Variants in PHTF2 observed in about 807,000 individuals in gnomAD.
PHTF2 encodes putative homeodomain transcription factor 2.
Under a neutral mutation model 101.2 loss-of-function variants are expected in PHTF2, and 60 were observed. The observed-to-expected ratio is 0.59, with a 90% CI of 0.48 to 0.73. The LOEUF is 0.73. PHTF2 is among the 30% of genes least tolerant of loss of function. The pLI is 0.00. For synonymous variants in PHTF2, 311 were observed against 307.3 expected (o/e 1.01, Z -0.13); for missense variants, 747 against 908.7 (o/e 0.82, Z 2.29).
chr7:77,867,236 G>A (rs1798140003), intron 3 of PHTF2, among the ~76,000 whole-genome samples: 1 of 152,172 alleles, frequency 6.6e-6, no homozygotes, highest in Non-Finnish European at 1.5e-5. Context: ...ACAGGGAGAA[G>A]TATATGACAA....
At chr7:77,852,172 T>C (rs1796818486) in intron 2 of PHTF2, among the ~76,000 whole-genome samples, 1 of 152,116 alleles carries the variant, frequency 6.6e-6, no homozygotes, top group Admixed American at 6.6e-5. Context: ...ACCACAGGCA[T>C]GTGCCACCCA....
At chr7:77,833,402 G>A (rs905911132) in intron 1 of PHTF2, among the ~76,000 whole-genome samples, 16 of 152,170 alleles carry the variant, frequency 1.1e-4, no homozygotes, top group African/African-American at 3.4e-4. Flanking sequence ...ATGATACAAG[G>A]TTGTTGGAAT....
intron 11 of PHTF2, among the ~76,000 whole-genome samples, chr7:77,927,177 A>AAAAAAAAAAAAT (rs1554388762): frequency 1.3e-5 from 1 of 78,156 alleles, no homozygotes; most frequent in Non-Finnish European, 2.4e-5. Context: ...AAAAAAAAAA[A>AAAAAAAAAAAAT]ATATATATAT....
At chr7:77,810,275 ATTC>A (rs1210644459) in intron 1 of PHTF2, among the ~76,000 whole-genome samples, 3 of 152,168 alleles carry the variant, frequency 2.0e-5, no homozygotes, top group Non-Finnish European at 4.4e-5. Context: ...ATATAAGATT[ATTC>A]TTCTTCATAA....
chr7:77,916,022 G>A (rs1200568344), intron 9 of PHTF2, among the ~76,000 whole-genome samples: 2 of 149,834 alleles, frequency 1.3e-5, no homozygotes, highest in Non-Finnish European at 3.0e-5. Context: ...ATACTAAAAA[G>A]TATAATTTCT....
intron 1 of PHTF2, among the ~76,000 whole-genome samples, chr7:77,810,184 A>G (rs1489068481): frequency 2.0e-5 from 3 of 152,172 alleles, no homozygotes; most frequent in African/African-American, 4.8e-5. Context: ...CGATATATAT[A>G]TAGGTACATA....
At chr7:77,812,471 A>T (rs552605630) in intron 1 of PHTF2, among the ~76,000 whole-genome samples, 4 of 152,198 alleles carry the variant, frequency 2.6e-5, no homozygotes, top group African/African-American at 2.4e-5. Context: ...TACTTGAGAG[A>T]TGTCTAAGTA....
chr7:77,914,559 G>A (rs902860946), intron 9 of PHTF2, among the ~76,000 whole-genome samples: 7 of 152,088 alleles, frequency 4.6e-5, no homozygotes, highest in Non-Finnish European at 8.8e-5. Context: ...CCTAGGAAAA[G>A]CCCCTAGTTG....
At chr7:77,850,360 C>CAAAAAAAAAAAAAAAAAAAAAAAAAAA (rs71082789) in intron 2 of PHTF2, among the ~76,000 whole-genome samples, 1 of 44,376 alleles carries the variant, frequency 2.3e-5, no homozygotes, top group African/African-American at 8.7e-5. Context: ...GACCTTGTCT[C>CAAAAAAAAAAAAAAAAAAAAAAAAAAA]AAAAAAAAAA....
intron 1 of PHTF2, among the ~76,000 whole-genome samples, chr7:77,802,904 A>C (rs1792670086): frequency 6.6e-6 from 1 of 152,234 alleles, no homozygotes; most frequent in African/African-American, 2.4e-5. Flanking sequence ...TCAGATTAAT[A>C]CCAAACCATA....
chr7:77,830,672 G>A (rs1022423104), intron 1 of PHTF2, among the ~76,000 whole-genome samples: 6 of 152,168 alleles, frequency 3.9e-5, no homozygotes, highest in Admixed American at 2.0e-4. Context: ...ACAGATTAAC[G>A]TTAGCAGAGA....
intron 1 of PHTF2, among the ~76,000 whole-genome samples, chr7:77,812,866 G>A (rs969209101): frequency 3.3e-5 from 5 of 152,244 alleles, no homozygotes; most frequent in East Asian, 1.9e-4. Flanking sequence ...TGGGATTACA[G>A]GTGTGAGCCA....
chr7:77,839,155 A>AC (rs34488094), intron 1 of PHTF2, among the ~76,000 whole-genome samples: 1 of 152,060 alleles, frequency 6.6e-6, no homozygotes, highest in African/African-American at 2.4e-5. Context: ...AGGGTGCTTT[A>AC]CCCCCAGGAT....
chr7:77,900,406 C>T (rs187283410), intron 5 of PHTF2, among the ~76,000 whole-genome samples: 1 of 152,260 alleles, frequency 6.6e-6, no homozygotes, highest in African/African-American at 2.4e-5. Context: ...CAATATAGTT[C>T]CCTCTACACC....
Position 77,897,292 on chromosome 7 carries a change from C to CT in PHTF2, c.216+3299_216+3300insT, listed in dbSNP as rs1475870562. Among the ~76,000 whole-genome samples, 191 of 74,946 alleles carry CT rather than the reference C, an allele frequency of 2.5e-3. 3 individuals carry two copies. The South Asian group carries it at 0.07, about 28-fold the overall frequency. 49.2% of individuals were successfully genotyped at this position (74,946 alleles called of 152,430 possible). ...CTTTCTAAACTTAAACAGCCCATTT[C>CT]ATTTTTTTTTTTTTTTTTTGGCCCA... On this transcript the variant is annotated intron_variant, in intron 5 of 19. Coordinates refer to ENST00000416283, the Ensembl canonical transcript of PHTF2.
chr7:77,957,149 G>A (rs1378199002), exon 20 of PHTF2: 1 of 152,024 alleles, frequency 6.6e-6, no homozygotes, highest in Non-Finnish European at 1.5e-5. Flanking sequence ...TGTTGTGTGT[G>A]AACTGTTGTT....
intron 9 of PHTF2, among the ~76,000 whole-genome samples, chr7:77,914,723 A>C (rs1423174210): frequency 6.6e-6 from 1 of 152,162 alleles, no homozygotes; most frequent in Non-Finnish European, 1.5e-5. Flanking sequence ...CAAAATGGGA[A>C]ATGAAAGTCT....
intron 2 of PHTF2, among the ~76,000 whole-genome samples, chr7:77,847,192 T>C (rs1796371553): frequency 6.6e-6 from 1 of 152,220 alleles, no homozygotes. Flanking sequence ...ACAGAAGTGC[T>C]TTCTGATGGG....
At chr7:77,878,454 A>T (rs1209837784) in intron 3 of PHTF2, among the ~76,000 whole-genome samples, 2 of 152,274 alleles carry the variant, frequency 1.3e-5, no homozygotes, top group East Asian at 3.9e-4. Flanking sequence ...TGTAGGAGCA[A>T]CTGGGGAGTA....
Sources: gnomAD v4.1 joint callset for allele counts (sites outside exome capture counted in the v4.1 genomes callset) on GRCh38, gnomAD v4.1.1 for gene constraint, MANE v1.5 for transcripts, NCBI Gene and HGNC (gene_info 2026-07-23, HGNC 2026-07-21) for gene names.